The following NOS1 variants were observed in gnomAD, a reference collection of about 807,000 sequenced individuals.
NOS1 encodes NOS type I.
Under a neutral mutation model 164.5 loss-of-function variants are expected in NOS1, and 51 were observed. That is an observed-to-expected ratio of 0.31 (90% CI 0.25 to 0.39). NOS1 has a LOEUF of 0.39. NOS1 is among the 10% of genes least tolerant of loss of function. The probability of loss-of-function intolerance (pLI) is 1.00; values close to 1 mark genes in which losing one functional copy is unlikely to be tolerated. For synonymous variants in NOS1, 719 were observed against 745.8 expected, an observed-to-expected ratio of 0.96 and a Z score of 0.59; for missense variants, 1,362 against 1,885.6, an observed-to-expected ratio of 0.72 and a Z score of 5.14.
intron 9 of NOS1, among the ~76,000 whole-genome samples, chr12:117,273,694 T>G (rs1872955566): frequency 6.6e-6 from 1 of 152,156 alleles, no homozygotes; most frequent in Non-Finnish European, 1.5e-5. Flanking sequence ...AATCAAAATT[T>G]ATGTATATAT....
chr12:117,258,581 A>C, intron 15 of NOS1, 126 bp from the exon 16 acceptor site: 2 of 930,360 alleles, frequency 2.1e-6, no homozygotes, highest in Non-Finnish European at 3.4e-6. Context: ...GGATGTCAGG[A>C]GCGGTCAGGG....
intron 17 of NOS1, among the ~76,000 whole-genome samples, chr12:117,250,148 C>T (rs1870975128): frequency 6.6e-6 from 1 of 152,018 alleles, no homozygotes; most frequent in Admixed American, 6.6e-5. Context: ...GGAGTATGAA[C>T]TTGGGGTGGG....
intron 9 of NOS1, among the ~76,000 whole-genome samples, chr12:117,274,765 C>T (rs1873042128): frequency 1.6e-5 from 1 of 64,386 alleles, no homozygotes; most frequent in Non-Finnish European, 2.6e-5. Flanking sequence ...GACACTCCGT[C>T]TCACAAAAAA....
chr12:117,265,627 C>T (rs914868289), intron 11 of NOS1, 117 bp from the exon 12 acceptor site: 17 of 636,188 alleles, frequency 2.7e-5, no homozygotes, highest in East Asian at 2.5e-4. Flanking sequence ...TTTAGAGCAG[C>T]GTGAAGTGAG....
chr12:117,306,220 C>G (rs1229612164), intron 3 of NOS1, among the ~76,000 whole-genome samples: 2 of 152,168 alleles, frequency 1.3e-5, no homozygotes, highest in Non-Finnish European at 2.9e-5. Flanking sequence ...TAGGCTAAAA[C>G]TGCTCGGCAC....
intron 3 of NOS1, among the ~76,000 whole-genome samples, chr12:117,310,369 C>G (rs1874370305): frequency 6.6e-6 from 1 of 152,216 alleles, no homozygotes; most frequent in African/African-American, 2.4e-5. Flanking sequence ...TATTATATGG[C>G]TATAAAAAAG....
At position 117,232,043 on chromosome 12, in the gene NOS1, T is replaced by A. The variant is rs766290200; in HGVS notation, c.3324A>T (p.Pro1108=). The A allele has an allele frequency of 6.2e-7, 1 of 1,612,470 alleles. No homozygotes were observed. The change falls in exon 22 of 29, where the codon CCA becomes CCT. Residue 1108 remains proline (P), a synonymous_variant. Coordinates refer to ENST00000317775, the MANE Select transcript of NOS1 (RefSeq NM_000620.5). ...AFKYYLDITT[P]PTPLQLQQFA... Reference sequence around the variant, plus strand: ...ACTGCTGCAGCTGCAGAGGCGTTGGTGGCGTGGTGATGTCCAGGTAGTACT... The same window carrying A: ...ACTGCTGCAGCTGCAGAGGCGTTGGAGGCGTGGTGATGTCCAGGTAGTACT...
intron 7 of NOS1, among the ~76,000 whole-genome samples, chr12:117,284,964 C>T (rs1021074240): frequency 8.0e-5 from 12 of 150,936 alleles, no homozygotes; most frequent in East Asian, 3.9e-4. Flanking sequence ...GCAGGAGAAT[C>T]GCTTGAACCT....
In NOS1 at chr12:117,208,651, G is replaced by A; in HGVS notation, c.*6658C>T. On this transcript the variant is annotated 3_prime_UTR_variant, in exon 29 of 29. Transcript: ENST00000317775. ...GCTCAAGAGCACTGGATCTCAGTGA[G>A]TCTTAATCAGAACCAACACCAAGGA... 1.8e-6 allele frequency: 2 copies of A among 1,142,360 alleles called. No homozygotes were observed. Among genetic ancestry groups the A allele is most frequent in the South Asian group, 1.9e-5 (1 of 53,036 alleles). The allele number at this position is 1,142,360 out of a possible 1,614,324, so 70.8% of individuals were successfully genotyped here.
intron 1 of NOS1, among the ~76,000 whole-genome samples, chr12:117,343,044 A>T (rs1275839572): frequency 1.3e-5 from 2 of 152,036 alleles, no homozygotes; most frequent in Non-Finnish European, 2.9e-5. Context: ...CAATGGGGTA[A>T]AAATAGGGTG....
chr12:117,318,570 C>T (rs1297744481), intron 2 of NOS1, among the ~76,000 whole-genome samples: 2 of 152,220 alleles, frequency 1.3e-5, no homozygotes, highest in Non-Finnish European at 2.9e-5. Flanking sequence ...CCAGATCCTT[C>T]CAACTGAGGC....
At chr12:117,276,581 A>C (rs922309550) in intron 9 of NOS1, among the ~76,000 whole-genome samples, 7 of 151,478 alleles carry the variant, frequency 4.6e-5, no homozygotes, top group African/African-American at 1.5e-4. Flanking sequence ...CCATGCCTCT[A>C]TTTCTTTCTT....
At chr12:117,318,631 T>C (rs1250964609) in intron 2 of NOS1, among the ~76,000 whole-genome samples, 1 of 152,216 alleles carries the variant, frequency 6.6e-6, no homozygotes, top group East Asian at 1.9e-4. Context: ...AAAGGGGTCC[T>C]GGGCTTGATT....
chr12:117,333,177 T>G (rs570234), intron 1 of NOS1, among the ~76,000 whole-genome samples: 45,665 of 152,070 alleles, frequency 0.3, 7,809 homozygotes, highest in Middle Eastern at 0.42. Context: ...TATTAGTTTG[T>G]TGCAAGTTCA....
At chr12:117,317,941 G>T (rs1207016590) in intron 2 of NOS1, among the ~76,000 whole-genome samples, 1 of 152,170 alleles carries the variant, frequency 6.6e-6, no homozygotes, top group East Asian at 1.9e-4. Context: ...GGAGGCCGAG[G>T]TGGGAAGTTT....
At chr12:117,287,555 C>T (rs778816005) in intron 5 of NOS1, among the ~76,000 whole-genome samples, 33 of 152,200 alleles carry the variant, frequency 2.2e-4, no homozygotes, top group Middle Eastern at 3.4e-3. Context: ...TCTCATGCCT[C>T]AGCATCCCAA....
At position 117,328,511 on chromosome 12, in the gene NOS1, C is replaced by T. The variant is rs370710856; in HGVS notation, c.725+1834G>A. Among the ~76,000 whole-genome samples the T allele has an allele frequency of 1.2e-4, 18 of 152,264 alleles. No individual in the cohort carries two copies. In the East Asian group the frequency reaches 3.3e-3, roughly 28 times the overall value. Reference sequence around the variant, plus strand: ...TCCTAGTGAGACCTGCCCTAGCCTCCCTATTTAAAAGTTCTCAATATTTCT... The same window carrying T: ...TCCTAGTGAGACCTGCCCTAGCCTCTCTATTTAAAAGTTCTCAATATTTCT... On this transcript the variant is annotated intron_variant, in intron 2 of 28. Transcript: ENST00000317775.
intron 4 of NOS1, among the ~76,000 whole-genome samples, chr12:117,289,461 G>T (rs1018306194): frequency 1.3e-5 from 2 of 152,200 alleles, no homozygotes; most frequent in East Asian, 3.8e-4. Context: ...GTCAGAGACA[G>T]GTTTATTTTA....
At chr12:117,247,017 G>T (rs1870665636) in intron 18 of NOS1, among the ~76,000 whole-genome samples, 1 of 152,164 alleles carries the variant, frequency 6.6e-6, no homozygotes. Flanking sequence ...GTTTGGTTTG[G>T]TTGACCATCT....
Sources: gnomAD v4.1 joint callset for allele counts (sites outside exome capture counted in the v4.1 genomes callset) on GRCh38, gnomAD v4.1.1 for gene constraint, MANE v1.5 for transcripts, NCBI Gene and HGNC (gene_info 2026-07-23, HGNC 2026-07-21) for gene names.